The following ZNF124 variants were observed in gnomAD, a reference collection of about 807,000 sequenced individuals.
ZNF124 encodes the protein zinc finger protein HZF-16.
ZNF124 carries 25 observed loss-of-function variants against 26.6 expected under a neutral mutation model. The observed-to-expected ratio is 0.94, with a 90% CI of 0.68 to 1.31. The LOEUF (loss-of-function observed/expected upper bound fraction) is 1.31. Among genes scored for constraint, ZNF124 ranks in the 40% most tolerant of loss-of-function variants. The pLI is 0.00. For missense variants in ZNF124, 444 were observed against 422.2 expected, an observed-to-expected ratio of 1.05 and a Z score of -0.45; for synonymous variants, 129 against 133.3, an observed-to-expected ratio of 0.97 and a Z score of 0.22.
chr1:247,153,748 C>T (rs1049671295), downstream of ZNF124, among the ~76,000 whole-genome samples: 3 of 152,112 alleles, frequency 2.0e-5, no homozygotes, highest in South Asian at 2.1e-4. Context: ...CTGAAGTTAG[C>T]GTCCATAAGA....
intron 1 of ZNF124, among the ~76,000 whole-genome samples, chr1:247,169,305 C>T (rs1673960452): frequency 6.6e-6 from 1 of 152,188 alleles, no homozygotes; most frequent in Non-Finnish European, 1.5e-5. Context: ...AGACCACGTA[C>T]TCAAGGACCA....
chr1:247,153,531 A>G (rs144939361), downstream of ZNF124, among the ~76,000 whole-genome samples: 450 of 152,334 alleles, frequency 3.0e-3, 2 homozygotes, highest in Middle Eastern at 0.017. Flanking sequence ...AGCACATCAC[A>G]TAACTAGTCT....
chr1:247,131,393 C>G (rs1379210821), intron 3 of ZNF124, among the ~76,000 whole-genome samples: 1 of 152,196 alleles, frequency 6.6e-6, no homozygotes, highest in Non-Finnish European at 1.5e-5. Context: ...TACAGCCTTT[C>G]AGCTGGAATC....
At chr1:247,145,275 A>G (rs1208742115) in intron 3 of ZNF124, among the ~76,000 whole-genome samples, 2 of 152,208 alleles carry the variant, frequency 1.3e-5, no homozygotes, top group Non-Finnish European at 1.5e-5. Context: ...AATTTTTAGT[A>G]GATTTGATGA....
In ZNF124 at chr1:247,155,061, T is replaced by G. The variant is rs561331893; in HGVS notation, c.*1505A>C. Among the ~76,000 whole-genome samples the G allele has an allele frequency of 2.0e-5, 3 of 152,356 alleles. No individual in the cohort carries two copies. Among genetic ancestry groups the G allele is most frequent in the African/African-American group, 2.4e-5 (1 of 41,584 alleles). ...TACATGATGATAAGACTGGATGCTT[T>G]CTTTCTCAGATTAGACACAAGACAC... is the stretch of plus-strand genomic sequence containing the variant. On this transcript the variant is annotated 3_prime_UTR_variant, in exon 4 of 4. Coordinates refer to ENST00000543802, the MANE Select transcript of ZNF124 (RefSeq NM_001297568.2).
At chr1:247,166,693 G>A (rs960625073) in intron 1 of ZNF124, among the ~76,000 whole-genome samples, 8 of 152,202 alleles carry the variant, frequency 5.3e-5, no homozygotes, top group African/African-American at 1.7e-4. Flanking sequence ...GAAACACACA[G>A]TGTACCAAGA....
rs192061374 is a variant in ZNF124, at chr1:247,155,633, G to A, written c.*933C>T. 6.2e-3 allele frequency among the ~76,000 whole-genome samples: 935 copies of A among 151,974 alleles called. 12 individuals are homozygous for A. The highest frequency in any genetic ancestry group is 0.021 in the African/African-American group (860 of 41,472). On this transcript the variant is annotated 3_prime_UTR_variant, in exon 4 of 4. Transcript: ENST00000543802. ...TCCCAGCACTTTGGGAGGCTGAAGC[G>A]GGCGGATCACGAGGTCAGGAGATTG...
At chr1:247,130,613 T>C (rs1424957334) in intron 3 of ZNF124, among the ~76,000 whole-genome samples, 1 of 152,248 alleles carries the variant, frequency 6.6e-6, no homozygotes, top group East Asian at 1.9e-4. Context: ...AATAATATGT[T>C]ATCATGTAAA....
rs1444107974 is a variant in ZNF124 at position 247,155,604 on chromosome 1, G to T, written c.*962C>A. ...CAGCTGGGCGTGGTGGCTCACGCCT[G>T]TAATCCCAGCACTTTGGGAGGCTGA... On this transcript the variant is annotated 3_prime_UTR_variant, in exon 4 of 4. Coordinates refer to ENST00000543802, the MANE Select transcript of ZNF124 (RefSeq NM_001297568.2). 1.3e-5 allele frequency among the ~76,000 whole-genome samples: 2 copies of T among 152,132 alleles called. No homozygotes were observed. Among genetic ancestry groups the T allele is most frequent in the Non-Finnish European group, 2.9e-5 (2 of 68,018 alleles).
At chr1:247,124,171 C>G (rs1198556453) in intron 3 of ZNF124, among the ~76,000 whole-genome samples, 3 of 150,092 alleles carry the variant, frequency 2.0e-5, no homozygotes, top group South Asian at 2.1e-4. Flanking sequence ...GGATCACACA[C>G]GTAAAATTTA....
At chr1:247,136,500 A>G (rs898892921) in intron 3 of ZNF124, among the ~76,000 whole-genome samples, 1 of 152,250 alleles carries the variant, frequency 6.6e-6, no homozygotes, top group Admixed American at 6.5e-5. Context: ...AAGAGAGGAC[A>G]CAAACAAATG....
intron 3 of ZNF124, chr1:247,138,520 A>G: frequency 2.8e-6 from 1 of 356,112 alleles, no homozygotes; most frequent in Non-Finnish European, 5.0e-6. Flanking sequence ...GGTGCAGCAA[A>G]CCACCGCGGC....
At chr1:247,134,670 C>T (rs537798857) in intron 3 of ZNF124, among the ~76,000 whole-genome samples, 1 of 152,138 alleles carries the variant, frequency 6.6e-6, no homozygotes, top group Non-Finnish European at 1.5e-5. Flanking sequence ...GATTTTAACA[C>T]CCCACTGTCA....
chr1:247,141,908 C>G (rs1445453501), intron 3 of ZNF124, among the ~76,000 whole-genome samples: 1 of 152,210 alleles, frequency 6.6e-6, no homozygotes, highest in Non-Finnish European at 1.5e-5. Flanking sequence ...TAGGTCCATT[C>G]TCTGCTGACC....
At chr1:247,130,938 T>G (rs1002499456) in intron 3 of ZNF124, among the ~76,000 whole-genome samples, 2 of 152,074 alleles carry the variant, frequency 1.3e-5, no homozygotes, top group Non-Finnish European at 1.5e-5. Context: ...TAGCTGGGCG[T>G]GGTGGCGTAT....
intron 3 of ZNF124, among the ~76,000 whole-genome samples, chr1:247,131,828 A>C (rs1672375771): frequency 6.6e-6 from 1 of 152,202 alleles, no homozygotes; most frequent in Non-Finnish European, 1.5e-5. Context: ...TCTGCTGACC[A>C]GCAGACTTAG....
At chr1:247,128,480 T>C (rs2103098671) in intron 3 of ZNF124, among the ~76,000 whole-genome samples, 1 of 145,264 alleles carries the variant, frequency 6.9e-6, no homozygotes, top group South Asian at 2.3e-4. Flanking sequence ...GGTCCTCTTC[T>C]CCCAGAAGAC....
intron 3 of ZNF124, among the ~76,000 whole-genome samples, chr1:247,143,889 C>A (rs767073274): frequency 3.3e-5 from 5 of 152,180 alleles, no homozygotes; most frequent in Non-Finnish European, 7.3e-5. Context: ...AGTAACAGTT[C>A]TCCATCATCT....
intron 3 of ZNF124, chr1:247,138,525 C>T (rs933872426): frequency 3.9e-5 from 14 of 360,718 alleles, no homozygotes; most frequent in African/African-American, 2.1e-4. Flanking sequence ...AGCAAACCAC[C>T]GCGGCACATG....
Sources: gnomAD v4.1 joint callset for allele counts (sites outside exome capture counted in the v4.1 genomes callset) on GRCh38, gnomAD v4.1.1 for gene constraint, MANE v1.5 for transcripts, NCBI Gene and HGNC (gene_info 2026-07-23, HGNC 2026-07-21) for gene names.